IL1RAPL2: variants seen among roughly 807,000 people sequenced by gnomAD.
IL1RAPL2 encodes the protein interleukin 1 receptor accessory protein like 2.
A neutral mutation model predicts 44.1 loss-of-function variants in IL1RAPL2; 3 were observed. The observed-to-expected ratio is 0.07, with a 90% CI of 0.03 to 0.18. The LOEUF is 0.18. IL1RAPL2 is among the 10% of genes least tolerant of loss of function. The pLI is 1.00. For synonymous variants in IL1RAPL2, 181 were observed against 178.8 expected (o/e 1.01, Z -0.10); for missense variants, 391 against 496.4 (o/e 0.79, Z 2.02).
chrX:105,061,931 G>A (rs1280552130), intron 2 of IL1RAPL2, among the ~76,000 whole-genome samples: 1 of 111,635 alleles, frequency 9.0e-6, no homozygotes, highest in Admixed American at 9.5e-5. Flanking sequence ...CTTTATGTAT[G>A]TCTCTTGTAG....
chrX:105,546,170 T>G (rs1387949284), intron 6 of IL1RAPL2, among the ~76,000 whole-genome samples: 4 of 111,170 alleles, frequency 3.6e-5, no homozygotes, highest in Admixed American at 9.7e-5. Context: ...GGGGGCGCAG[T>G]GGGAAAGAAT....
intron 4 of IL1RAPL2, among the ~76,000 whole-genome samples, chrX:105,242,745 T>C (rs782348986): frequency 1.8e-5 from 2 of 111,498 alleles, no homozygotes; most frequent in African/African-American, 6.5e-5. Context: ...AGTGCTCTCA[T>C]GAAAGTTCCA....
intron 5 of IL1RAPL2, among the ~76,000 whole-genome samples, chrX:105,467,072 A>G (rs972183485): frequency 9.0e-6 from 1 of 111,583 alleles, no homozygotes; most frequent in African/African-American, 3.3e-5. Context: ...ACCTCTCAAC[A>G]CTACTGTATT....
intron 5 of IL1RAPL2, among the ~76,000 whole-genome samples, chrX:105,312,053 T>C (rs1165343048): frequency 8.9e-6 from 1 of 111,925 alleles, no homozygotes; most frequent in Non-Finnish European, 1.9e-5. Flanking sequence ...ACCTCTTTTT[T>C]GAACACATCA....
intron 4 of IL1RAPL2, among the ~76,000 whole-genome samples, chrX:105,243,669 A>C (rs1223213488): frequency 9.4e-6 from 1 of 106,473 alleles, no homozygotes; most frequent in African/African-American, 3.4e-5. Context: ...ATTTTAGTTC[A>C]ATAGGGTTTT....
intron 2 of IL1RAPL2, among the ~76,000 whole-genome samples, chrX:104,811,906 C>T (rs1030538250): frequency 9.0e-6 from 1 of 110,814 alleles, no homozygotes; most frequent in Non-Finnish European, 1.9e-5. Flanking sequence ...GGAACCTGAG[C>T]CCTGTGCTCA....
At chrX:104,884,834 C>T (rs1929798411) in intron 2 of IL1RAPL2, among the ~76,000 whole-genome samples, 1 of 111,189 alleles carries the variant, frequency 9.0e-6, no homozygotes, top group African/African-American at 3.3e-5. Flanking sequence ...CTCCCTATAG[C>T]TCCCCTTCCT....
At position 104,819,483 on chromosome X, in the gene IL1RAPL2, A is replaced by AT. The variant is rs778997253; in HGVS notation, c.82+160496dup. On this transcript the variant is annotated intron_variant, in intron 2 of 10. Transcript: ENST00000372582. ...TAGGTTGGCCTATCTACCCTAACCA[A>AT]TTTTTTTTATATCATGGGAGGATGG... is the stretch of plus-strand genomic sequence containing the variant. 1.6e-4 allele frequency among the ~76,000 whole-genome samples: 18 copies of AT among 111,827 alleles called. No individual in the cohort carries two copies. The South Asian group carries it at 2.3e-3, about 14-fold the overall frequency.
intron 2 of IL1RAPL2, among the ~76,000 whole-genome samples, chrX:104,752,101 G>T (rs1235844299): frequency 9.0e-6 from 1 of 111,031 alleles, no homozygotes; most frequent in East Asian, 2.9e-4. Context: ...AACAGGGGTT[G>T]AAGCTTCTAG....
intron 5 of IL1RAPL2, among the ~76,000 whole-genome samples, chrX:105,448,923 T>G (rs2147760593): frequency 9.0e-6 from 1 of 111,436 alleles, no homozygotes; most frequent in African/African-American, 3.3e-5. Context: ...TTTGTTAAAT[T>G]TATCTGATAG....
chrX:104,702,070 C>T (rs749629577), intron 2 of IL1RAPL2, among the ~76,000 whole-genome samples: 1 of 111,612 alleles, frequency 9.0e-6, no homozygotes, highest in Non-Finnish European at 1.9e-5. Flanking sequence ...ACACCTGGTA[C>T]AAAATGCACG....
At chrX:105,507,334 G>A (rs779773522) in intron 6 of IL1RAPL2, among the ~76,000 whole-genome samples, 3 of 111,599 alleles carry the variant, frequency 2.7e-5, no homozygotes, top group African/African-American at 6.5e-5. Flanking sequence ...TCTTGTTTAC[G>A]GCCTCAGTGA....
In IL1RAPL2 at chrX:105,589,286, C is replaced by T. The variant is rs148296403; in HGVS notation, c.772+104899C>T. Among the ~76,000 whole-genome samples the T allele has an allele frequency of 2.0e-3, 226 of 110,692 alleles. 1 individual carries two copies. Among genetic ancestry groups the T allele is most frequent in the African/African-American group, 7.2e-3 (219 of 30,477 alleles). On this transcript the variant is annotated intron_variant, in intron 6 of 10. Coordinates refer to ENST00000372582, the MANE Select transcript of IL1RAPL2 (RefSeq NM_017416.2). ...TTCCTTATAGATGTTAGATATTAGA[C>T]CTTTGTCAGTTTCTTAGTTGGCAAA...
intron 4 of IL1RAPL2, among the ~76,000 whole-genome samples, chrX:105,242,857 T>G (rs782514498): frequency 4.2e-4 from 47 of 111,471 alleles, no homozygotes; most frequent in Non-Finnish European, 7.7e-4. Flanking sequence ...CTCAGCACTT[T>G]GGGAGACCAA....
intron 6 of IL1RAPL2, among the ~76,000 whole-genome samples, chrX:105,626,215 G>C (rs1422683559): frequency 3.6e-5 from 4 of 111,858 alleles, no homozygotes; most frequent in Non-Finnish European, 7.5e-5. Context: ...CCTTTGAAAA[G>C]GGTGTTTTGA....
chrX:104,570,729 A>G (rs927057333), intron 1 of IL1RAPL2, among the ~76,000 whole-genome samples: 2 of 111,935 alleles, frequency 1.8e-5, no homozygotes, highest in East Asian at 2.8e-4. Flanking sequence ...CAAATGATCT[A>G]AATACATATT....
At chrX:105,229,327 T>C (rs922452639) in intron 3 of IL1RAPL2, among the ~76,000 whole-genome samples, 3 of 112,129 alleles carry the variant, frequency 2.7e-5, no homozygotes, top group Non-Finnish European at 5.6e-5. Context: ...TGATTATACC[T>C]CCCCCAGGTC....
intron 2 of IL1RAPL2, among the ~76,000 whole-genome samples, chrX:104,979,533 G>C (rs1176810820): frequency 9.0e-6 from 1 of 111,714 alleles, no homozygotes; most frequent in East Asian, 2.8e-4. Context: ...ACAGATAAAA[G>C]TTTGATAATT....
chrX:104,585,286 A>ATTATATATTATATAAT (rs1556438357), intron 1 of IL1RAPL2, among the ~76,000 whole-genome samples: 20 of 22,198 alleles, frequency 9.0e-4, no homozygotes, highest in East Asian at 2.2e-3. Flanking sequence ...TATATTATAT[A>ATTATATATTATATAAT]ATATATTATA....
Sources: allele counts gnomAD v4.1 joint callset (sites outside exome capture counted in the v4.1 genomes callset), GRCh38; gene constraint gnomAD v4.1.1; transcripts MANE v1.5; gene names NCBI Gene and HGNC (gene_info 2026-07-23, HGNC 2026-07-21).